The following PPP6R3 variants were observed in gnomAD, a reference collection of about 807,000 sequenced individuals.
The protein encoded by PPP6R3 is protein phosphatase 6 regulatory subunit 3, also known as serine/threonine-protein phosphatase 6 regulatory subunit 3.
PPP6R3 carries 38 observed loss-of-function variants against 110.7 expected under a neutral mutation model. The ratio of observed to expected loss-of-function variants is 0.34; its 90% CI spans 0.26 to 0.45. The LOEUF (loss-of-function observed/expected upper bound fraction) is 0.45. Ranked by LOEUF, PPP6R3 falls within the 20% of genes least tolerant of loss-of-function variation. PPP6R3 has a pLI of 1.00. For missense variants in PPP6R3, 870 were observed against 1,062.4 expected (o/e 0.82, Z 2.52); for synonymous variants, 369 against 373.5 (o/e 0.99, Z 0.14).
At position 68,546,384 on chromosome 11, in the gene PPP6R3, G is replaced by A. The variant is rs531683577; in HGVS notation, c.414+1360G>A. On this transcript the variant is annotated intron_variant, in intron 4 of 23. Coordinates refer to ENST00000393800, the MANE Select transcript of PPP6R3 (RefSeq NM_001164161.2). ...TTTTCTCCTCACTTCTGTGCTGTTG[G>A]AATCCAAGTTGGCGAGCCCCGATTT... Among the ~76,000 whole-genome samples, 3 of 152,252 alleles carry A rather than the reference G, an allele frequency of 2.0e-5. No homozygotes were observed. The South Asian group carries it at 6.2e-4, about 32-fold the overall frequency.
intron 1 of PPP6R3, among the ~76,000 whole-genome samples, chr11:68,471,755 A>C (rs1284619404): frequency 6.6e-6 from 1 of 152,116 alleles, no homozygotes; most frequent in Non-Finnish European, 1.5e-5. Context: ...TGACATGATG[A>C]ATCAGAAGAG....
At chr11:68,502,195 A>C (rs2099052242) in intron 1 of PPP6R3, among the ~76,000 whole-genome samples, 1 of 152,212 alleles carries the variant, frequency 6.6e-6, no homozygotes, top group South Asian at 2.1e-4. Context: ...AAAGTAAAAA[A>C]CGCATAAAAT....
At chr11:68,530,912 A>G (rs1434481262) in intron 2 of PPP6R3, among the ~76,000 whole-genome samples, 1 of 152,212 alleles carries the variant, frequency 6.6e-6, no homozygotes, top group Non-Finnish European at 1.5e-5. Flanking sequence ...CGATCTTGTC[A>G]TCCCCACAGT....
chr11:68,479,734 G>T (rs549911678), intron 1 of PPP6R3, among the ~76,000 whole-genome samples: 1 of 151,766 alleles, frequency 6.6e-6, no homozygotes, highest in Non-Finnish European at 1.5e-5. Context: ...TCTGCCTGAG[G>T]GTTGGTTTCT....
chr11:68,466,805 G>A (rs1254610753), intron 1 of PPP6R3, among the ~76,000 whole-genome samples: 2 of 152,230 alleles, frequency 1.3e-5, no homozygotes, highest in Admixed American at 1.3e-4. Context: ...TATAGAGATG[G>A]GGTTTCTCCG....
intron 7 of PPP6R3, among the ~76,000 whole-genome samples, chr11:68,555,201 C>A (rs2099394675): frequency 6.6e-6 from 1 of 152,122 alleles, no homozygotes; most frequent in Admixed American, 6.5e-5. Flanking sequence ...AGTAAAATGG[C>A]ATCTTACCTG....
At chr11:68,471,190 A>G (rs2098788991) in intron 1 of PPP6R3, among the ~76,000 whole-genome samples, 1 of 150,872 alleles carries the variant, frequency 6.6e-6, no homozygotes, top group South Asian at 2.1e-4. Flanking sequence ...AAGCTGAGGC[A>G]GGAGAGTGGC....
At chr11:68,573,130 A>ATATATATATATGTG (rs2099515379) in intron 12 of PPP6R3, among the ~76,000 whole-genome samples, 2 of 87,232 alleles carry the variant, frequency 2.3e-5, no homozygotes, top group Non-Finnish European at 4.7e-5. Context: ...ATATATATAT[A>ATATATATATATGTG]TATATATATA....
chr11:68,517,690 A>G (rs1169340465), intron 1 of PPP6R3, among the ~76,000 whole-genome samples: 1 of 152,118 alleles, frequency 6.6e-6, no homozygotes, highest in Non-Finnish European at 1.5e-5. Flanking sequence ...ATAATCCCAG[A>G]ACTTTGGGAG....
At chr11:68,552,049 C>T (rs1368600735) in intron 6 of PPP6R3, among the ~76,000 whole-genome samples, 1 of 152,142 alleles carries the variant, frequency 6.6e-6, no homozygotes, top group Non-Finnish European at 1.5e-5. Context: ...TGAGGGAATG[C>T]CTGTTGGGAC....
At chr11:68,604,860 G>A (rs1196849351) in intron 22 of PPP6R3, among the ~76,000 whole-genome samples, 2 of 152,240 alleles carry the variant, frequency 1.3e-5, no homozygotes, top group Non-Finnish European at 2.9e-5. Flanking sequence ...TCAATGTGAA[G>A]ATATTTTTAG....
At chr11:68,601,134 T>C (rs1199356905) in intron 20 of PPP6R3, among the ~76,000 whole-genome samples, 1 of 152,228 alleles carries the variant, frequency 6.6e-6, no homozygotes, top group African/African-American at 2.4e-5. Flanking sequence ...AAGTGAGATT[T>C]GTGAAAAATG....
At chr11:68,511,463 A>AGTATGTGTGTGTGTGTGTGTGT (rs2099109102) in intron 1 of PPP6R3, among the ~76,000 whole-genome samples, 1 of 138,512 alleles carries the variant, frequency 7.2e-6, no homozygotes, top group African/African-American at 2.7e-5. Flanking sequence ...ACTGTGTTAG[A>AGTATGTGTGTGTGTGTGTGTGT]GTGTGTGTGT....
At chr11:68,540,642 C>G (rs2099309793) in intron 3 of PPP6R3, among the ~76,000 whole-genome samples, 1 of 152,136 alleles carries the variant, frequency 6.6e-6, no homozygotes, top group African/African-American at 2.4e-5. Context: ...TTATGGGAGA[C>G]TGGAGTCTGT....
chr11:68,613,250 A>G lies in PPP6R3; in HGVS notation c.*133A>G. ...CAAGGGATCAGGACCAGCAACCTTT[A>G]TATTCTAGATTCTAAGACATTGTAC... On this transcript the variant is annotated 3_prime_UTR_variant, in exon 24 of 24. Transcript: ENST00000393800. The G allele has an allele frequency of 1.4e-6, 2 of 1,437,046 alleles. No individual in the cohort carries two copies. The highest frequency in any genetic ancestry group is 1.8e-6 in the Non-Finnish European group (2 of 1,097,484). 89.0% of individuals were successfully genotyped at this position (1,437,046 alleles called of 1,614,324 possible). A position where few individuals can be genotyped will look rare whatever the true frequency, so the allele number is the denominator to read the frequency against.
chr11:68,596,080 G>T lies in PPP6R3; in HGVS notation c.1917-17G>T, dbSNP rs764981112. 3 of 1,614,098 alleles carry T rather than the reference G, an allele frequency of 1.9e-6. No individual in the cohort carries two copies. Among genetic ancestry groups the T allele is most frequent in the Non-Finnish European group, 2.5e-6 (3 of 1,179,978 alleles). ...CTGATAAGCAGTGTTAAATACTTGG[G>T]TCTTGTTTTTCCTTAGCTCGGGGAG... is the stretch of plus-strand genomic sequence containing the variant. On this transcript the variant is annotated splice_polypyrimidine_tract_variant and intron_variant, in intron 18 of 23. Transcript: ENST00000393800.
chr11:68,511,213 C>T (rs138624763), intron 1 of PPP6R3, among the ~76,000 whole-genome samples: 1,571 of 150,906 alleles, frequency 0.01, 36 homozygotes, highest in African/African-American at 0.036. Flanking sequence ...GATTAAGGCA[C>T]GCGCCACCAC....
At chr11:68,556,116 G>A (rs573426627) in intron 7 of PPP6R3, among the ~76,000 whole-genome samples, 2 of 152,186 alleles carry the variant, frequency 1.3e-5, no homozygotes, top group African/African-American at 4.8e-5. Flanking sequence ...TCACTGTACT[G>A]GCAATACATA....
At position 68,490,739 on chromosome 11, in the gene PPP6R3, T is replaced by C. The variant is rs371169102; in HGVS notation, c.-157-28762T>C. On this transcript the variant is annotated intron_variant, in intron 1 of 23. Coordinates refer to ENST00000393800, the MANE Select transcript of PPP6R3 (RefSeq NM_001164161.2). Reference sequence around the variant, plus strand: ...CAGCCGTGTTTAGCCTACTGATAGATCCACAGAGGGATTCTTCATTTCTGT... The same window carrying C: ...CAGCCGTGTTTAGCCTACTGATAGACCCACAGAGGGATTCTTCATTTCTGT... Among the ~76,000 whole-genome samples, 571 of 152,280 alleles carry C rather than the reference T, an allele frequency of 3.7e-3. 42 individuals are homozygous for C. In the South Asian group the frequency reaches 0.11, roughly 30 times the overall value.
Sources: gnomAD v4.1 joint callset for allele counts (sites outside exome capture counted in the v4.1 genomes callset) on GRCh38, gnomAD v4.1.1 for gene constraint, MANE v1.5 for transcripts, NCBI Gene and HGNC (gene_info 2026-07-23, HGNC 2026-07-21) for gene names.